The following LRRFIP1 variants were observed in gnomAD, a reference collection of about 807,000 sequenced individuals.
LRRFIP1 encodes the protein leucine-rich repeat flightless-interacting protein 1.
LRRFIP1 carries 62 observed loss-of-function variants against 104.4 expected under a neutral mutation model. The ratio of observed to expected loss-of-function variants is 0.59; its 90% CI spans 0.48 to 0.73. The LOEUF is 0.73. Ranked by LOEUF, LRRFIP1 falls within the 30% of genes least tolerant of loss-of-function variation. The pLI is 0.00. For synonymous variants in LRRFIP1, 300 were observed against 299.0 expected (o/e 1.00, Z -0.03); for missense variants, 796 against 824.5 (o/e 0.97, Z 0.42).
Position 237,766,195 on chromosome 2 carries a change from C to G in LRRFIP1, c.1460-3748C>G, listed in dbSNP as rs80276015. ...CAGCCTCAGCTGAAAACGGTCTTCA[C>G]CTGTGGCTGTGCTTACCTGCGCCAC... On this transcript the variant is annotated intron_variant, in intron 19 of 23. Coordinates refer to ENST00000308482, the MANE Select transcript of LRRFIP1 (RefSeq NM_001137550.2). This position sits in a 1 kb window ranked among gnomAD's most constrained non-coding sequence, Gnocchi z 4.8. Among the ~76,000 whole-genome samples, 3,309 of 152,286 alleles carry G rather than the reference C, an allele frequency of 0.022. 97 individuals are homozygous for G. Among genetic ancestry groups the G allele is most frequent in the East Asian group, 0.081 (422 of 5,182 alleles).
chr2:237,731,792 A>T (rs1287305582), intron 8 of LRRFIP1, among the ~76,000 whole-genome samples: 5 of 152,182 alleles, frequency 3.3e-5, no homozygotes. Flanking sequence ...ACCCACATCC[A>T]AAGGGTTAAA....
chr2:237,722,433 G>A (rs897230755), intron 6 of LRRFIP1, among the ~76,000 whole-genome samples: 1 of 152,148 alleles, frequency 6.6e-6, no homozygotes, highest in Non-Finnish European at 1.5e-5. Context: ...CAATATGAAC[G>A]AGTATTACGG....
intron 9 of LRRFIP1, among the ~76,000 whole-genome samples, chr2:237,734,365 A>G (rs1346872858): frequency 2.2e-5 from 3 of 137,932 alleles, no homozygotes; most frequent in African/African-American, 8.7e-5. Context: ...AGTGCAACCT[A>G]CGCCTCCCAG....
At chr2:237,740,415 A>G (rs1220220796) in intron 11 of LRRFIP1, among the ~76,000 whole-genome samples, 2 of 151,354 alleles carry the variant, frequency 1.3e-5, no homozygotes, top group Non-Finnish European at 2.9e-5. Flanking sequence ...CCCTGCCTCT[A>G]GAAAACAAAA....
At chr2:237,750,524 AC>A (rs1343721970) in intron 13 of LRRFIP1, among the ~76,000 whole-genome samples, 1 of 151,272 alleles carries the variant, frequency 6.6e-6, no homozygotes, top group African/African-American at 2.4e-5. Context: ...TTTAGTGGAG[AC>A]GGGGTTTCGC....
At chr2:237,762,892 C>A (rs778983264) in intron 19 of LRRFIP1, 1 of 1,614,146 alleles carries the variant, frequency 6.2e-7, no homozygotes. Flanking sequence ...CAAATGAGGT[C>A]ATGGGTGCAC....
chr2:237,692,911 A>T (rs1341778724), intron 1 of LRRFIP1, among the ~76,000 whole-genome samples: 1 of 152,092 alleles, frequency 6.6e-6, no homozygotes, highest in African/African-American at 2.4e-5. Flanking sequence ...CGGTGCCCTC[A>T]CCCGCTGTTG....
At chr2:237,701,676 C>T (rs1388823366) in intron 1 of LRRFIP1, among the ~76,000 whole-genome samples, 1 of 151,028 alleles carries the variant, frequency 6.6e-6, no homozygotes, top group Non-Finnish European at 1.5e-5. Context: ...CCTGGAAGAA[C>T]AGGCATGGGT....
At chr2:237,765,885 A>T (rs2060225211) in intron 19 of LRRFIP1, 3 of 984,948 alleles carry the variant, frequency 3.0e-6, no homozygotes, top group Non-Finnish European at 3.6e-6. Flanking sequence ...TTATTATGTA[A>T]TTGAAATAAA....
intron 1 of LRRFIP1, among the ~76,000 whole-genome samples, chr2:237,639,381 A>C (rs1386971862): frequency 6.6e-6 from 1 of 152,210 alleles, no homozygotes; most frequent in Non-Finnish European, 1.5e-5. Context: ...ACTTCTTATA[A>C]GTTTGAAGCA....
chr2:237,630,784 C>T (rs1236439401), intron 1 of LRRFIP1, among the ~76,000 whole-genome samples: 1 of 152,248 alleles, frequency 6.6e-6, no homozygotes, highest in Non-Finnish European at 1.5e-5. Context: ...ACAGCACCTG[C>T]GCAGCTGGTT....
Position 237,719,504 on chromosome 2 carries a change from G to T in LRRFIP1, c.250-19G>T. On this transcript the variant is annotated intron_variant, in intron 4 of 23. Coordinates refer to ENST00000308482, the MANE Select transcript of LRRFIP1 (RefSeq NM_001137550.2). ...GTCCATCTGTCTCTAACCTTTTCAT[G>T]CTGTTTCTTCATTGTTAGGAAGACA... 2 of 1,608,130 alleles carry T rather than the reference G, an allele frequency of 1.2e-6. No homozygotes were observed. Among genetic ancestry groups the T allele is most frequent in the Non-Finnish European group, 1.7e-6 (2 of 1,175,008 alleles).
At chr2:237,630,310 G>A (rs993466527) in intron 1 of LRRFIP1, among the ~76,000 whole-genome samples, 13 of 152,208 alleles carry the variant, frequency 8.5e-5, no homozygotes, top group South Asian at 2.1e-4. Flanking sequence ...CAACAAAATC[G>A]TCTTGGGTTC....
chr2:237,713,313 C>G (rs373717426), intron 2 of LRRFIP1, among the ~76,000 whole-genome samples: 1 of 152,130 alleles, frequency 6.6e-6, no homozygotes, highest in Non-Finnish European at 1.5e-5. Context: ...AGCTGCGTTC[C>G]GGGGTCTGTT....
In LRRFIP1 at chr2:237,715,230, A is replaced by G. The variant is rs192550708; in HGVS notation, c.201+954A>G. 1.1e-3 allele frequency among the ~76,000 whole-genome samples: 166 copies of G among 152,284 alleles called. 1 individual carries two copies. The Middle Eastern group carries it at 0.017, about 16-fold the overall frequency. Reference sequence around the variant, plus strand: ...AGCTGCTGTCCCGAAGAGTGCAAAGAAATTTGTTAAGTAGATGCCAGAATC... The same window carrying G: ...AGCTGCTGTCCCGAAGAGTGCAAAGGAATTTGTTAAGTAGATGCCAGAATC... On this transcript the variant is annotated intron_variant, in intron 3 of 23. Coordinates refer to ENST00000308482, the MANE Select transcript of LRRFIP1 (RefSeq NM_001137550.2).
intron 1 of LRRFIP1, among the ~76,000 whole-genome samples, chr2:237,628,859 T>A (rs1417805085): frequency 6.6e-6 from 1 of 152,150 alleles, no homozygotes; most frequent in African/African-American, 2.4e-5. Flanking sequence ...AGTCACTCAG[T>A]ATTTGTTGAC....
intron 1 of LRRFIP1, among the ~76,000 whole-genome samples, chr2:237,700,443 AAG>A (rs1365428613): frequency 2.6e-5 from 4 of 152,206 alleles, no homozygotes; most frequent in African/African-American, 9.7e-5. Context: ...CTTTTCCAAA[AAG>A]GTTATAAACT....
intron 1 of LRRFIP1, among the ~76,000 whole-genome samples, chr2:237,673,248 C>T (rs2090613943): frequency 6.6e-6 from 1 of 152,238 alleles, no homozygotes; most frequent in Non-Finnish European, 1.5e-5. Flanking sequence ...TAACAGACCT[C>T]TGTGTCCCTG....
chr2:237,644,189 T>C (rs1054105519), intron 1 of LRRFIP1, among the ~76,000 whole-genome samples: 2 of 152,262 alleles, frequency 1.3e-5, no homozygotes, highest in Non-Finnish European at 2.9e-5. Context: ...GTGTGCACGA[T>C]CGGGTTGCAT....
Sources: allele counts gnomAD v4.1 joint callset (sites outside exome capture counted in the v4.1 genomes callset), GRCh38; gene constraint gnomAD v4.1.1; non-coding constraint Gnocchi (gnomAD v3.1); transcripts MANE v1.5; gene names NCBI Gene and HGNC (gene_info 2026-07-23, HGNC 2026-07-21).